BBS1: variants seen among roughly 807,000 people sequenced by gnomAD.
BBS1 encodes BBSome complex member BBS1.
A neutral mutation model predicts 73.9 loss-of-function variants in BBS1; 60 were observed. The observed-to-expected ratio is 0.81, with a 90% CI of 0.66 to 1.01. The LOEUF (loss-of-function observed/expected upper bound fraction) is 1.01. Ranked by LOEUF, BBS1 falls within the 50% of genes least tolerant of loss-of-function variation. BBS1 has a pLI of 0.00. For missense variants in BBS1, 718 were observed against 770.3 expected (o/e 0.93, Z 0.80); for synonymous variants, 283 against 317.4 (o/e 0.89, Z 1.15).
At chr11:66,524,155 C>G in intron 11 of BBS1, 1 of 446,232 alleles carries the variant, frequency 2.2e-6, no homozygotes, top group South Asian at 2.0e-5. Flanking sequence ...TGGTGCGTAC[C>G]TGTAATCCCA....
intron 13 of BBS1, chr11:66,527,155 A>G: frequency 1.4e-6 from 1 of 733,708 alleles, no homozygotes; most frequent in South Asian, 1.6e-5. Flanking sequence ...GGAGGACAGC[A>G]TGAGCCCAGG....
At chr11:66,512,762 A>G (rs1030020839) in intron 3 of BBS1, among the ~76,000 whole-genome samples, 1 of 152,112 alleles carries the variant, frequency 6.6e-6, no homozygotes, top group Non-Finnish European at 1.5e-5. Context: ...TCACGAGGTC[A>G]GGAGTTTGAG....
chr11:66,523,317 GTGGAAATAATCCCAGGGTCATCTGCTT>G, intron 9 of BBS1, 112 bp from the exon 10 acceptor site: 1 of 1,207,722 alleles, frequency 8.3e-7, no homozygotes. Context: ...GGTGGCAGAA[GTGGAAATAATCCCAGGGTCATCTGCTT>G]TGGGGCCAGT....
Position 66,526,717 on chromosome 11 carries a change from C to A in BBS1, c.1249C>A (p.Pro417Thr). 2 of 1,614,178 alleles carry A rather than the reference C, an allele frequency of 1.2e-6. No individual in the cohort carries two copies. Among genetic ancestry groups the A allele is most frequent in the South Asian group, 1.1e-5 (1 of 91,082 alleles). The change falls in exon 13 of 17, where the codon CCC becomes ACC. Residue 417 changes from proline to threonine, a missense_variant. Transcript: ENST00000318312. ...TGTAGAGGGAGGAAGTGAGGTGGGT[C>A]CCCCACCAGCCCAGGCCATGAAACT... ...VFVEGGSEVG[P>T]PPAQAMKLNV...
intron 13 of BBS1, chr11:66,527,145 G>A (rs1298519200): frequency 3.6e-6 from 3 of 822,294 alleles, no homozygotes; most frequent in Non-Finnish European, 5.9e-6. Context: ...GGCAGAGGTG[G>A]GAGGACAGCA....
At chr11:66,527,131 C>G in intron 13 of BBS1, 1 of 986,834 alleles carries the variant, frequency 1.0e-6, no homozygotes, top group Non-Finnish European at 1.5e-6. Flanking sequence ...AATCCCAACA[C>G]TTTGGCAGAG....
Position 66,519,715 on chromosome 11 carries a change from G to A in BBS1, c.690G>A (p.Val230=), listed in dbSNP as rs2134780572. 1.2e-6 allele frequency: 2 copies of A among 1,613,674 alleles called. No homozygotes were observed. Among genetic ancestry groups the A allele is most frequent in the East Asian group, 2.2e-5 (1 of 44,868 alleles). The change falls in exon 8 of 17, where the codon GTG becomes GTA. Residue 230 remains valine, a synonymous_variant. Coordinates refer to ENST00000318312, the MANE Select transcript of BBS1 (RefSeq NM_024649.5). ...VLGTENKELL[V]LDPEAFTILA... ...GCACCGAGAACAAGGAGCTCCTGGT[G>A]CTTGACCCCGAGGCCTTCACCATTT...
At chr11:66,531,173 C>G (rs1330863623) in intron 15 of BBS1, 145 bp downstream of exon 15, 1 of 1,185,886 alleles carries the variant, frequency 8.4e-7, no homozygotes, top group Non-Finnish European at 1.2e-6. Context: ...CACCACAGAC[C>G]AGGCCAAGGC....
chr11:66,526,786 C>T lies in BBS1; in HGVS notation c.1318C>T (p.Arg440Ter), dbSNP rs1014835928. The change falls in exon 13 of 17, where the codon CGA becomes TGA. Residue 440 changes from arginine to a stop codon, truncating the protein, a stop_gained. Transcript: ENST00000318312. LOFTEE classifies it high-confidence loss of function. ...KTRLYVDQTL[R>*]EREAGTAMHR... ...CCGGCTTTACGTGGATCAGACACTGCGAGAGCGGGAGGCTGGCACCGGTGA... is the reference window on the plus strand; with the variant it reads ...CCGGCTTTACGTGGATCAGACACTGTGAGAGCGGGAGGCTGGCACCGGTGA... 5 of 1,614,094 alleles carry T rather than the reference C, an allele frequency of 3.1e-6. No individual in the cohort carries two copies. Among genetic ancestry groups the T allele is most frequent in the Admixed American group, 1.7e-5 (1 of 60,010 alleles).
Position 66,514,635 on chromosome 11 carries a change from C to G in BBS1, c.389C>G (p.Pro130Arg), listed in dbSNP as rs1226696656. 2.5e-6 allele frequency: 4 copies of G among 1,613,328 alleles called. No individual in the cohort carries two copies. Among genetic ancestry groups the G allele is most frequent in the Non-Finnish European group, 3.4e-6 (4 of 1,180,040 alleles). Reference protein sequence around the residue: ...PYFKFSLPQLPPNPLEQDLWN... With the variant: ...PYFKFSLPQLRPNPLEQDLWN... ...TTCAAGTTCAGCCTGCCCCAATTGC[C>G]TCCAAATCCTCTGGAACAAGACCTT... The change falls in exon 4 of 17, where the codon CCT (proline) becomes CGT (arginine). Residue 130 changes from proline to arginine, a missense_variant. By Grantham distance (103) the Pro-to-Arg change is moderately radical. Coordinates refer to ENST00000318312, the MANE Select transcript of BBS1 (RefSeq NM_024649.5).
intron 11 of BBS1, chr11:66,524,153 A>C: frequency 2.2e-6 from 1 of 449,976 alleles, no homozygotes; most frequent in South Asian, 2.0e-5. Context: ...GGTGGTGCGT[A>C]CCTGTAATCC....
In BBS1 at chr11:66,514,399, C is replaced by G; in HGVS notation, c.160-7C>G. On this transcript the variant is annotated splice_region_variant and splice_polypyrimidine_tract_variant and intron_variant, in intron 3 of 16. Coordinates refer to ENST00000318312, the MANE Select transcript of BBS1 (RefSeq NM_024649.5). ...TGAGCCTAGAATGAGCCATCCTCTCCCTGCAGCTGGTGGTAGGGGACCTTG... is the reference window on the plus strand; with the variant it reads ...TGAGCCTAGAATGAGCCATCCTCTCGCTGCAGCTGGTGGTAGGGGACCTTG... The G allele has an allele frequency of 6.2e-7, 1 of 1,614,026 alleles. No homozygotes were observed.
chr11:66,511,145 G>A, intron 2 of BBS1, 56 bp downstream of exon 2: 1 of 1,613,804 alleles, frequency 6.2e-7, no homozygotes, highest in South Asian at 1.1e-5. Context: ...GTCAGACAAT[G>A]GTCCTGTAGT....
Position 66,526,750 on chromosome 11 carries a change from C to T in BBS1, c.1282C>T (p.Pro428Ser). ...PPAQAMKLNV[P>S]RKTRLYVDQT... is the part of the protein sequence containing the mutation. ...AGCCCAGGCCATGAAACTCAATGTGCCCCGAAAGACCCGGCTTTACGTGGA... is the reference window on the plus strand; with the variant it reads ...AGCCCAGGCCATGAAACTCAATGTGTCCCGAAAGACCCGGCTTTACGTGGA... Residue 428 changes from proline (P) to serine (S), a missense_variant, in exon 13 of 17, where the codon CCC (proline) becomes TCC (serine). Transcript: ENST00000318312. 1 of 1,614,222 alleles carries T rather than the reference C, an allele frequency of 6.2e-7. No homozygotes were observed. The highest frequency in any genetic ancestry group is 1.1e-5 in the South Asian group (1 of 91,086).
intron 14 of BBS1, among the ~76,000 whole-genome samples, chr11:66,530,291 C>T (rs978947447): frequency 1.3e-5 from 2 of 152,148 alleles, no homozygotes; most frequent in African/African-American, 4.8e-5. Context: ...AAGGCTGTCA[C>T]TTTGGTAACT....
Position 66,515,773 on chromosome 11 carries a change from G to A in BBS1, c.518+42G>A, listed in dbSNP as rs530867570. On this transcript the variant is annotated intron_variant, in intron 6 of 16. Transcript: ENST00000318312. ...GGGCCAGGGTTTGGGAGGCTCCAGG[G>A]AGAGGAAGCAGCCGCCAGAATGTGC... The A allele has an allele frequency of 6.2e-6, 10 of 1,614,150 alleles. No individual in the cohort carries two copies. The African/African-American group carries it at 1.3e-4, about 22-fold the overall frequency.
chr11:66,531,046 C>G lies in BBS1; in HGVS notation c.1608+18C>G. Reference sequence around the variant, plus strand: ...TCTTCAAGGTACTGGATGCTCCTCACTTAGATATGGAGTGGGAAAGGCCAG... The same window carrying G: ...TCTTCAAGGTACTGGATGCTCCTCAGTTAGATATGGAGTGGGAAAGGCCAG... On this transcript the variant is annotated intron_variant, in intron 15 of 16. Coordinates refer to ENST00000318312, the MANE Select transcript of BBS1 (RefSeq NM_024649.5). 1.2e-6 allele frequency: 2 copies of G among 1,614,104 alleles called. No homozygotes were observed. The highest frequency in any genetic ancestry group is 1.7e-6 in the Non-Finnish European group (2 of 1,179,972).
chr11:66,532,168 C>A lies in BBS1; in HGVS notation c.*131C>A. 1.0e-6 allele frequency: 1 copy of A among 956,816 alleles called. No homozygotes were observed. Among genetic ancestry groups the A allele is most frequent in the Non-Finnish European group, 1.6e-6 (1 of 645,012 alleles). The allele number at this position is 956,816 out of a possible 1,614,324, so 59.3% of individuals were successfully genotyped here. ...TCGTCTCCCCTCTCTTAAGCACCCG[C>A]TTCCTCACCACCCCCACTGTTGGGC... On this transcript the variant is annotated 3_prime_UTR_variant, in exon 17 of 17. Coordinates refer to ENST00000318312, the MANE Select transcript of BBS1 (RefSeq NM_024649.5).
chr11:66,515,531 T>C lies in BBS1; in HGVS notation c.433-9T>C, dbSNP rs2134773143. The C allele has an allele frequency of 6.2e-7, 1 of 1,614,064 alleles. No homozygotes were observed. Among genetic ancestry groups the C allele is most frequent in the South Asian group, 1.1e-5 (1 of 91,074 alleles). On this transcript the variant is annotated splice_polypyrimidine_tract_variant and intron_variant, in intron 4 of 16. Transcript: ENST00000318312. ...TGAGCTCACAGGCTCTCTTCCCACA[T>C]TGTCACAGGACCGAATCGACCCCTT...
Sources: allele counts gnomAD v4.1 joint callset (sites outside exome capture counted in the v4.1 genomes callset), GRCh38; gene constraint gnomAD v4.1.1; transcripts MANE v1.5; gene names NCBI Gene and HGNC (gene_info 2026-07-23, HGNC 2026-07-21).